MIS18BP1: variants seen among roughly 807,000 people sequenced by gnomAD.
The protein encoded by MIS18BP1 is mis18-binding protein 1.
In MIS18BP1, 72 loss-of-function variants were observed where a neutral mutation model predicts 116.1. The observed-to-expected ratio is 0.62, with a 90% CI of 0.51 to 0.75. The LOEUF is 0.75. MIS18BP1 is among the 30% of genes least tolerant of loss of function. The pLI is 0.00. For synonymous variants in MIS18BP1, 386 were observed against 427.0 expected (o/e 0.90, Z 1.18); for missense variants, 1,363 against 1,303.2 (o/e 1.05, Z -0.71).
Position 45,218,345 on chromosome 14 carries a change from T to C in MIS18BP1, c.2779A>G (p.Arg927Gly), listed in dbSNP as rs756273193. Residue 927 changes from arginine (R) to glycine (G), a missense_variant, in exon 12 of 17, where the codon AGA (arginine) becomes GGA (glycine). Arg to Gly is a moderately radical substitution (Grantham distance 125). Coordinates refer to ENST00000310806, the MANE Select transcript of MIS18BP1 (RefSeq NM_018353.5). ...ACATGTTTCTGGGATCCTTTTCCTC[T>C]GGGATTTTCCATGTATTTCCTCTGG... ...ECQRKYMENP[R>G]GKGSQKHVTK... is the part of the protein sequence containing the mutation. 2.5e-6 allele frequency: 4 copies of C among 1,614,136 alleles called. No homozygotes were observed. Among genetic ancestry groups the C allele is most frequent in the South Asian group, 1.1e-5 (1 of 91,088 alleles).
chr14:45,235,428 TA>T (rs1891397877), intron 6 of MIS18BP1, among the ~76,000 whole-genome samples: 1 of 150,456 alleles, frequency 6.6e-6, no homozygotes, highest in South Asian at 2.1e-4. Context: ...CCGTCTCTAC[TA>T]AAAATACAAA....
chr14:45,221,858 TG>T (rs1267188370), intron 11 of MIS18BP1, among the ~76,000 whole-genome samples: 1 of 152,252 alleles, frequency 6.6e-6, no homozygotes. Flanking sequence ...ACTGTGGATT[TG>T]ACTATCCTTG....
At chr14:45,212,345 G>A (rs536715921) in intron 13 of MIS18BP1, among the ~76,000 whole-genome samples, 4 of 152,210 alleles carry the variant, frequency 2.6e-5, no homozygotes, top group South Asian at 4.1e-4. Flanking sequence ...CATAAACACC[G>A]TTAGCTTCCT....
intron 5 of MIS18BP1, 149 bp downstream of exon 5, chr14:45,237,499 A>G: frequency 1.2e-6 from 1 of 842,982 alleles, no homozygotes; most frequent in Non-Finnish European, 1.7e-6. Flanking sequence ...CATGGCTAGG[A>G]CCTGCACAGT....
chr14:45,212,450 C>T (rs1401937444), intron 13 of MIS18BP1, among the ~76,000 whole-genome samples: 2 of 152,102 alleles, frequency 1.3e-5, no homozygotes, highest in African/African-American at 4.8e-5. Context: ...ATGAGAGGGC[C>T]TCCCCACCCC....
At chr14:45,221,244 CT>C (rs1342564914) in intron 11 of MIS18BP1, among the ~76,000 whole-genome samples, 3 of 152,086 alleles carry the variant, frequency 2.0e-5, no homozygotes, top group Non-Finnish European at 4.4e-5. Context: ...CGAGACCATC[CT>C]GGCTAACACG....
chr14:45,221,982 T>C (rs1368105848), intron 11 of MIS18BP1, among the ~76,000 whole-genome samples: 2 of 152,246 alleles, frequency 1.3e-5, no homozygotes, highest in South Asian at 4.1e-4. Context: ...CTGACCCTTC[T>C]ATCATTTGTA....
intron 8 of MIS18BP1, among the ~76,000 whole-genome samples, chr14:45,228,530 T>C (rs1891188242): frequency 6.6e-6 from 1 of 152,236 alleles, no homozygotes; most frequent in South Asian, 2.1e-4. Context: ...CTCCAATGTA[T>C]AACTAAATTT....
chr14:45,244,874 T>C (rs974646355), intron 2 of MIS18BP1, among the ~76,000 whole-genome samples: 1 of 152,228 alleles, frequency 6.6e-6, no homozygotes, highest in African/African-American at 2.4e-5. Context: ...CTGTCTGTGT[T>C]CTGGTCAAAC....
At chr14:45,221,130 G>A (rs376823999) in intron 11 of MIS18BP1, among the ~76,000 whole-genome samples, 1 of 150,356 alleles carries the variant, frequency 6.7e-6, no homozygotes, top group African/African-American at 2.5e-5. Flanking sequence ...GTGAGACTCT[G>A]TCTCCAAAAA....
At chr14:45,227,494 G>A (rs531540630) in intron 9 of MIS18BP1, among the ~76,000 whole-genome samples, 169 bp downstream of exon 9, 4 of 149,550 alleles carry the variant, frequency 2.7e-5, no homozygotes, top group South Asian at 2.1e-4. Context: ...GCAATAAGCC[G>A]AGATCACGCC....
At chr14:45,226,541 C>T (rs1407870745) in intron 10 of MIS18BP1, among the ~76,000 whole-genome samples, 1 of 152,074 alleles carries the variant, frequency 6.6e-6, no homozygotes. Context: ...AGAAGGCAAA[C>T]CTGTAAGTAT....
chr14:45,205,432 C>T (rs1183717977), intron 15 of MIS18BP1, among the ~76,000 whole-genome samples: 1 of 151,972 alleles, frequency 6.6e-6, no homozygotes, highest in African/African-American at 2.4e-5. Context: ...ATACTTTTTC[C>T]AGAATCCTAG....
At chr14:45,231,943 G>A (rs1363718222) in intron 7 of MIS18BP1, among the ~76,000 whole-genome samples, 1 of 151,990 alleles carries the variant, frequency 6.6e-6, no homozygotes, top group Non-Finnish European at 1.5e-5. Flanking sequence ...GAAAAAAAAA[G>A]GAGGAAGAAC....
chr14:45,250,691 A>C (rs945847526), intron 1 of MIS18BP1, among the ~76,000 whole-genome samples: 2 of 152,246 alleles, frequency 1.3e-5, no homozygotes, highest in African/African-American at 2.4e-5. Context: ...AATTGTTTTC[A>C]ACATAAAGAC....
chr14:45,242,658 T>G, intron 3 of MIS18BP1, 103 bp downstream of exon 3: 1 of 1,450,888 alleles, frequency 6.9e-7, no homozygotes. Flanking sequence ...TTCAAGCTTT[T>G]GTCCACAGCT....
intron 4 of MIS18BP1, among the ~76,000 whole-genome samples, chr14:45,240,858 T>C (rs1891556842): frequency 6.6e-6 from 1 of 152,070 alleles, no homozygotes; most frequent in Non-Finnish European, 1.5e-5. Flanking sequence ...GCTGAGATTG[T>C]GCCACTGCAC....
At chr14:45,232,599 A>G in intron 7 of MIS18BP1, 134 bp downstream of exon 7, 1 of 626,104 alleles carries the variant, frequency 1.6e-6, no homozygotes, top group Non-Finnish European at 3.0e-6. Flanking sequence ...GTTCGAGACC[A>G]GTCTGGCCAA....
chr14:45,210,754 A>G (rs1890652057), intron 13 of MIS18BP1, among the ~76,000 whole-genome samples: 1 of 152,144 alleles, frequency 6.6e-6, no homozygotes, highest in Non-Finnish European at 1.5e-5. Context: ...TGCCTCTAAG[A>G]TTTCTACCTC....
Sources: allele counts gnomAD v4.1 joint callset (sites outside exome capture counted in the v4.1 genomes callset), GRCh38; gene constraint gnomAD v4.1.1; transcripts MANE v1.5; gene names NCBI Gene and HGNC (gene_info 2026-07-23, HGNC 2026-07-21).